Variants in VMA21 observed in about 807,000 individuals in gnomAD.
VMA21 encodes vacuolar ATPase assembly factor VMA21.
For missense variants in VMA21, 61 were observed against 80.6 expected, an observed-to-expected ratio of 0.76 and a Z score of 0.93; for synonymous variants, 47 against 34.1, an observed-to-expected ratio of 1.38 and a Z score of -1.32.
upstream of VMA21, chrX:151,396,609 C>T (rs889800986): frequency 3.0e-6 from 1 of 335,013 alleles, no homozygotes; most frequent in Non-Finnish European, 5.3e-6. Flanking sequence ...TCAGCAAGAG[C>T]TCTTTGAACT....
chrX:151,398,383 G>T (rs1441430831), intron 1 of VMA21, among the ~76,000 whole-genome samples: 6 of 96,976 alleles, frequency 6.2e-5, no homozygotes, highest in Non-Finnish European at 1.3e-4. Flanking sequence ...ACTGTCTGTT[G>T]TTCCTCTCCT....
intron 1 of VMA21, among the ~76,000 whole-genome samples, chrX:151,401,810 A>G (rs1192990936): frequency 9.0e-6 from 1 of 111,340 alleles, no homozygotes; most frequent in African/African-American, 3.3e-5. Flanking sequence ...AAAGTGCCCC[A>G]ATCACTGCTC....
Position 151,405,761 on chromosome X carries a change from C to T in VMA21, c.*703C>T, listed in dbSNP as rs2011284900. ...GCCAGCTTTGTGCTTTGCAGACCAA[C>T]TTTTTAATGAGATACTTTGCTTCCT... On this transcript the variant is annotated 3_prime_UTR_variant, in exon 3 of 3. Transcript: ENST00000330374. The T allele has an allele frequency of 8.9e-6, 1 of 112,029 alleles. No homozygotes were observed. The highest frequency in any genetic ancestry group is 3.2e-5 in the African/African-American group (1 of 30,824). The allele number at this position is 112,029 out of a possible 1,213,427, so 9.2% of individuals were successfully genotyped here.
chrX:151,400,710 A>C (rs929760758), intron 1 of VMA21, among the ~76,000 whole-genome samples: 2 of 112,457 alleles, frequency 1.8e-5, no homozygotes, highest in Non-Finnish European at 3.8e-5. Flanking sequence ...AACATTTGTT[A>C]TCACTTGCCT....
chrX:151,404,083 T>G (rs939353891), intron 2 of VMA21, among the ~76,000 whole-genome samples: 1 of 110,674 alleles, frequency 9.0e-6, no homozygotes. Context: ...GAAATTTTTT[T>G]TTTTTTTTTG....
At chrX:151,401,660 A>G (rs986517290) in intron 1 of VMA21, among the ~76,000 whole-genome samples, 1 of 112,125 alleles carries the variant, frequency 8.9e-6, no homozygotes, top group Admixed American at 9.5e-5. Context: ...ATATCTTTAC[A>G]TTTATTTGTG....
chrX:151,397,139 C>T, upstream of VMA21: 1 of 417,224 alleles, frequency 2.4e-6, no homozygotes, highest in Non-Finnish European at 3.7e-6. Flanking sequence ...CGCCTGCGTA[C>T]TGTGGCCCGC....
At chrX:151,397,169 C>A (rs920562170), upstream of VMA21, 1 of 656,484 alleles carries the variant, frequency 1.5e-6, no homozygotes, top group Non-Finnish European at 2.1e-6. Flanking sequence ...CGAACGGGCA[C>A]TTCCGGCGCG....
At position 151,408,940 on chromosome X, in the gene VMA21, G is replaced by A. The variant is rs780014544; in HGVS notation, c.*3882G>A. ...ACAGAGTAGTCTTCCTTTTCCCCAC[G>A]TTCAGTGTAATCTCACTGAACAGTA... On this transcript the variant is annotated 3_prime_UTR_variant, in exon 3 of 3. Coordinates refer to ENST00000330374, the MANE Select transcript of VMA21 (RefSeq NM_001017980.4). 3.6e-5 allele frequency: 4 copies of A among 112,445 alleles called. No individual in the cohort carries two copies. The highest frequency in any genetic ancestry group is 2.8e-4 in the East Asian group (1 of 3,578). The allele number at this position is 112,445 out of a possible 1,213,427, so 9.3% of individuals were successfully genotyped here.
intron 1 of VMA21, among the ~76,000 whole-genome samples, chrX:151,400,432 T>C (rs999742372): frequency 9.0e-6 from 1 of 111,595 alleles, no homozygotes; most frequent in Non-Finnish European, 1.9e-5. Context: ...ATATATACAC[T>C]ACGGTTTCTT....
Position 151,408,927 on chromosome X carries a change from TC to T in VMA21, c.*3871del, listed in dbSNP as rs1488272550. ...ATTTGTCAGTTATACAGAGTAGTCT[TC>T]CTTTTCCCCACGTTCAGTGTAATCT... is the stretch of plus-strand genomic sequence containing the variant. On this transcript the variant is annotated 3_prime_UTR_variant, in exon 3 of 3. Coordinates refer to ENST00000330374, the MANE Select transcript of VMA21 (RefSeq NM_001017980.4). 2.7e-5 allele frequency: 3 copies of T among 112,896 alleles called. No individual in the cohort carries two copies. Among genetic ancestry groups the T allele is most frequent in the Non-Finnish European group, 5.6e-5 (3 of 53,340 alleles). The allele number at this position is 112,896 out of a possible 1,213,427, so 9.3% of individuals were successfully genotyped here. A position where few individuals can be genotyped will look rare whatever the true frequency, so the allele number is the denominator to read the frequency against.
chrX:151,404,504 T>C (rs1035091553), intron 2 of VMA21, among the ~76,000 whole-genome samples: 2 of 112,447 alleles, frequency 1.8e-5, no homozygotes, highest in Admixed American at 1.9e-4. Flanking sequence ...CGTCAAGCTC[T>C]GCCTCCCAGG....
chrX:151,397,203 G>A, upstream of VMA21: 2 of 953,716 alleles, frequency 2.1e-6, no homozygotes, highest in Middle Eastern at 7.9e-4. Context: ...GGCGCGAACC[G>A]CTACTTCCGG....
In VMA21 at chrX:151,403,018, G is replaced by A. The variant is rs141520968; in HGVS notation, c.54-613G>A. Among the ~76,000 whole-genome samples, 652 of 111,869 alleles carry A rather than the reference G, an allele frequency of 5.8e-3. 4 individuals carry two copies. Among genetic ancestry groups the A allele is most frequent in the African/African-American group, 0.02 (610 of 30,736 alleles). Reference sequence around the variant, plus strand: ...TGGTCAGGGTTGCTGCGTGGGCTCAGGGACCAGTGTGACAGTGGCTTCCCT... The same window carrying A: ...TGGTCAGGGTTGCTGCGTGGGCTCAAGGACCAGTGTGACAGTGGCTTCCCT... On this transcript the variant is annotated intron_variant, in intron 1 of 2. Coordinates refer to ENST00000330374, the MANE Select transcript of VMA21 (RefSeq NM_001017980.4).
Position 151,405,136 on chromosome X carries a change from A to G in VMA21, c.*78A>G. 8.9e-7 allele frequency: 1 copy of G among 1,118,142 alleles called. No homozygotes were observed. The highest frequency in any genetic ancestry group is 1.2e-6 in the Non-Finnish European group (1 of 823,621). The allele number at this position is 1,118,142 out of a possible 1,213,427, so 92.1% of individuals were successfully genotyped here. A position where few individuals can be genotyped will look rare whatever the true frequency, so the allele number is the denominator to read the frequency against. On this transcript the variant is annotated 3_prime_UTR_variant, in exon 3 of 3. Transcript: ENST00000330374. ...CTGGAGGGGGCCATCTGATTTGAAT[A>G]AAGTTGAAAGAACATGTTAAAGTCA...
chrX:151,400,263 C>CT (rs761763555), intron 1 of VMA21, among the ~76,000 whole-genome samples: 970 of 96,109 alleles, frequency 0.01, 12 homozygotes, highest in African/African-American at 0.026. Flanking sequence ...GACCGTTGAC[C>CT]TTTTTTTTTT....
chrX:151,404,143 G>T (rs1235058774), intron 2 of VMA21, among the ~76,000 whole-genome samples: 1 of 108,055 alleles, frequency 9.3e-6, no homozygotes, highest in African/African-American at 3.4e-5. Context: ...GCGCGATCTC[G>T]GCTCACCGCA....
At chrX:151,400,263 CT>C (rs761763555) in intron 1 of VMA21, among the ~76,000 whole-genome samples, 2,954 of 96,016 alleles carry the variant, frequency 0.031, 97 homozygotes, top group African/African-American at 0.082. Flanking sequence ...GACCGTTGAC[CT>C]TTTTTTTTTT....
chrX:151,399,056 A>G (rs2011217180), intron 1 of VMA21, among the ~76,000 whole-genome samples: 1 of 112,636 alleles, frequency 8.9e-6, no homozygotes, highest in Non-Finnish European at 1.9e-5. Context: ...TGTGGCTGGA[A>G]TCCAGGGAGA....
Sources: allele counts gnomAD v4.1 joint callset (sites outside exome capture counted in the v4.1 genomes callset), GRCh38; gene constraint gnomAD v4.1.1; transcripts MANE v1.5; gene names NCBI Gene and HGNC (gene_info 2026-07-23, HGNC 2026-07-21).